Variants in SYT14 observed in about 807,000 individuals in gnomAD.
The protein encoded by SYT14 is synaptotagmin 14.
A neutral mutation model predicts 74.2 loss-of-function variants in SYT14; 32 were observed. That is an observed-to-expected ratio of 0.43 (90% CI 0.33 to 0.58). SYT14 has a LOEUF of 0.58. SYT14 is among the 20% of genes least tolerant of loss of function. The pLI, the probability that SYT14 is intolerant of heterozygous loss-of-function variation, is 0.05. For synonymous variants in SYT14, 298 were observed against 337.7 expected, an observed-to-expected ratio of 0.88 and a Z score of 1.29; for missense variants, 791 against 981.8, an observed-to-expected ratio of 0.81 and a Z score of 2.60.
intron 7 of SYT14, among the ~76,000 whole-genome samples, chr1:210,115,947 C>T (rs1435424571): frequency 6.0e-5 from 9 of 150,478 alleles, no homozygotes; most frequent in Non-Finnish European, 1.3e-4. Flanking sequence ...AGAGAGTCAG[C>T]GAAGAGAGGT....
chr1:210,094,228 G>C (rs1379073524), intron 5 of SYT14, 94 bp from the exon 5 acceptor site: 1 of 1,536,274 alleles, frequency 6.5e-7, no homozygotes, highest in South Asian at 1.2e-5. Flanking sequence ...TCAATTTTTT[G>C]ATCCAGTTTT....
At chr1:209,952,472 A>G (rs1328443524) in intron 1 of SYT14, among the ~76,000 whole-genome samples, 3 of 152,198 alleles carry the variant, frequency 2.0e-5, no homozygotes, top group Admixed American at 1.3e-4. Context: ...TTGCCATTCA[A>G]AATCACATAC....
chr1:210,152,904 A>G (rs2083194389), intron 7 of SYT14, among the ~76,000 whole-genome samples: 3 of 152,056 alleles, frequency 2.0e-5, no homozygotes, highest in Admixed American at 2.0e-4. Context: ...CTTTACATAA[A>G]TGGAATTATG....
chr1:210,156,680 CTTCTTT>C (rs2083273549), intron 8 of SYT14, among the ~76,000 whole-genome samples: 2 of 93,758 alleles, frequency 2.1e-5, no homozygotes, highest in African/African-American at 3.9e-5. Flanking sequence ...AAAGTGGCAG[CTTCTTT>C]TTTTTTTTTT....
At chr1:209,939,006 T>G (rs945132982) in intron 1 of SYT14, among the ~76,000 whole-genome samples, 3 of 152,198 alleles carry the variant, frequency 2.0e-5, no homozygotes, top group African/African-American at 7.2e-5. Flanking sequence ...AGTGCCACAA[T>G]GCTCATATTT....
chr1:209,985,470 G>C (rs1443140607), intron 2 of SYT14, among the ~76,000 whole-genome samples: 1 of 152,222 alleles, frequency 6.6e-6, no homozygotes, highest in Non-Finnish European at 1.5e-5. Flanking sequence ...CTTTTTAGGG[G>C]GTCAGCCCCC....
intron 7 of SYT14, among the ~76,000 whole-genome samples, chr1:210,150,418 G>A (rs1342388596): frequency 6.6e-6 from 1 of 152,188 alleles, no homozygotes; most frequent in African/African-American, 2.4e-5. Flanking sequence ...TGTGGAGGAT[G>A]GAAAGGAGGT....
Position 210,136,639 on chromosome 1 carries a change from C to T in SYT14, c.2035-19082C>T, listed in dbSNP as rs539348063. ...AGTATAGTGTCAAGCACTGAAGGTC[C>T]AGTCAAAGCATGGTGTTATGAGAGC... On this transcript the variant is annotated intron_variant, in intron 7 of 9. Coordinates refer to ENST00000637265, the Ensembl canonical transcript of SYT14. Among the ~76,000 whole-genome samples the T allele has an allele frequency of 2.6e-5, 4 of 152,148 alleles. No individual in the cohort carries two copies. In the South Asian group the frequency reaches 8.3e-4, roughly 32 times the overall value.
intron 2 of SYT14, among the ~76,000 whole-genome samples, chr1:210,007,259 A>T (rs908488112): frequency 6.6e-6 from 1 of 151,818 alleles, no homozygotes; most frequent in Non-Finnish European, 1.5e-5. Context: ...AACTTTCTAC[A>T]TTTTCTGGTG....
At chr1:209,996,449 A>G (rs1395197200) in intron 2 of SYT14, among the ~76,000 whole-genome samples, 1 of 152,124 alleles carries the variant, frequency 6.6e-6, no homozygotes, top group Non-Finnish European at 1.5e-5. Context: ...TCTGAATTTG[A>G]ATCAATAATA....
At chr1:209,961,061 G>T (rs953032104) in intron 2 of SYT14, among the ~76,000 whole-genome samples, 3 of 152,146 alleles carry the variant, frequency 2.0e-5, no homozygotes, top group Admixed American at 6.5e-5. Flanking sequence ...TGGAAATCCA[G>T]TTAGGTGTTT....
chr1:210,143,504 A>G (rs991508051), intron 7 of SYT14, among the ~76,000 whole-genome samples: 2 of 152,150 alleles, frequency 1.3e-5, no homozygotes, highest in Non-Finnish European at 2.9e-5. Flanking sequence ...TTATATTTTA[A>G]TATCTTGAAA....
At chr1:210,009,081 C>T (rs1212295276) in intron 2 of SYT14, among the ~76,000 whole-genome samples, 2 of 152,296 alleles carry the variant, frequency 1.3e-5, no homozygotes, top group South Asian at 2.1e-4. Flanking sequence ...TTGTGTTGGG[C>T]TGCATTCAAA....
chr1:210,074,155 T>G (rs969150079), intron 5 of SYT14, among the ~76,000 whole-genome samples: 13 of 152,202 alleles, frequency 8.5e-5, no homozygotes, highest in African/African-American at 2.9e-4. Flanking sequence ...AGGGGGTTAC[T>G]GTATTGATTA....
chr1:210,157,545 C>T (rs1221064287), intron 8 of SYT14, among the ~76,000 whole-genome samples: 1 of 151,572 alleles, frequency 6.6e-6, no homozygotes, highest in African/African-American at 2.4e-5. Flanking sequence ...AGATCGAGAC[C>T]ATCTTGGCCA....
At chr1:210,102,303 G>A (rs2082082465) in intron 7 of SYT14, among the ~76,000 whole-genome samples, 1 of 152,008 alleles carries the variant, frequency 6.6e-6, no homozygotes, top group Middle Eastern at 3.2e-3. Context: ...CTCTAAAGAT[G>A]TAACATTTAT....
intron 7 of SYT14, among the ~76,000 whole-genome samples, chr1:210,126,000 C>T (rs901216500): frequency 1.3e-5 from 2 of 152,064 alleles, no homozygotes; most frequent in Non-Finnish European, 2.9e-5. Context: ...GTCAGGAGAT[C>T]GAGATCATCC....
intron 7 of SYT14, among the ~76,000 whole-genome samples, chr1:210,143,014 G>A (rs1158919752): frequency 6.6e-6 from 1 of 152,134 alleles, no homozygotes; most frequent in East Asian, 1.9e-4. Flanking sequence ...GCTAGCAACA[G>A]GTAGAACTAC....
At chr1:210,013,541 G>T (rs1463890758) in intron 2 of SYT14, 92 bp from the exon 3 acceptor site, 2 of 1,201,162 alleles carry the variant, frequency 1.7e-6, no homozygotes, top group East Asian at 2.3e-5. Context: ...ATTCAAATAA[G>T]GTAGTAAGCT....
Sources: allele counts gnomAD v4.1 joint callset (sites outside exome capture counted in the v4.1 genomes callset), GRCh38; gene constraint gnomAD v4.1.1; transcripts MANE v1.5; gene names NCBI Gene and HGNC (gene_info 2026-07-23, HGNC 2026-07-21).